The following MARCHF1 variants were observed in gnomAD, a reference collection of about 807,000 sequenced individuals.
MARCHF1 encodes the protein membrane associated ring-CH-type finger 1, also known as E3 ubiquitin-protein ligase MARCHF1.
MARCHF1 carries 40 observed loss-of-function variants against 54.2 expected under a neutral mutation model. That is an observed-to-expected ratio of 0.74 (90% CI 0.57 to 0.96). The LOEUF is 0.96. Ranked by LOEUF, MARCHF1 falls within the 40% of genes least tolerant of loss-of-function variation. MARCHF1 has a pLI of 0.00. For missense variants in MARCHF1, 586 were observed against 656.5 expected (o/e 0.89, Z 1.17); for synonymous variants, 236 against 236.3 (o/e 1.00, Z 0.01).
chr4:163,783,522 T>A (rs1370528247), intron 4 of MARCHF1, among the ~76,000 whole-genome samples: 1 of 152,178 alleles, frequency 6.6e-6, no homozygotes, highest in Non-Finnish European at 1.5e-5. Flanking sequence ...ACTGTCCTTA[T>A]CCTAGCCTGA....
At chr4:163,724,556 G>A (rs1195320248) in intron 4 of MARCHF1, among the ~76,000 whole-genome samples, 3 of 152,178 alleles carry the variant, frequency 2.0e-5, no homozygotes, top group African/African-American at 7.2e-5. Flanking sequence ...GGACATTTAA[G>A]TATGCAGAGG....
chr4:164,328,967 T>C (rs1383791182), intron 1 of MARCHF1, among the ~76,000 whole-genome samples: 1 of 152,236 alleles, frequency 6.6e-6, no homozygotes, highest in African/African-American at 2.4e-5. Context: ...AAGATTTTTT[T>C]CCTGGGAGAA....
rs1561047100 is a variant in MARCHF1 at position 163,733,225 on chromosome 4, G to GTA, written c.112-32363_112-32362insTA. On this transcript the variant is annotated intron_variant, in intron 4 of 9. Transcript: ENST00000514618. ...TATATATATATATATATATATACACGTGTATATATATATATACACGTGTAT... is the reference window on the plus strand; with the variant it reads ...TATATATATATATATATATATACACGTATGTATATATATATATACACGTGTAT... 5.4e-4 allele frequency among the ~76,000 whole-genome samples: 7 copies of GTA among 13,032 alleles called. 1 individual carries two copies. Among genetic ancestry groups the GTA allele is most frequent in the African/African-American group, 1.4e-3 (7 of 5,114 alleles). The allele number at this position is 13,032 out of a possible 152,430, so 8.5% of individuals were successfully genotyped here.
intron 3 of MARCHF1, 27 bp from the exon 4 acceptor site, chr4:163,854,196 C>A (rs1319109272): frequency 6.9e-7 from 1 of 1,458,206 alleles, no homozygotes; most frequent in Non-Finnish European, 9.1e-7. Context: ...TTCCCTGAAA[C>A]AGGTCACTTA....
In MARCHF1 at chr4:164,061,754, G is replaced by A. The variant is rs752749104; in HGVS notation, c.-248+49834C>T. Among the ~76,000 whole-genome samples the A allele has an allele frequency of 3.1e-4, 47 of 151,808 alleles. 1 individual carries two copies. The highest frequency in any genetic ancestry group is 6.6e-4 in the Non-Finnish European group (45 of 67,906). ...GTGCAATAGAATTTTATCTAAAAAT[G>A]TACATACTTTAAAAACACTTGATTG... On this transcript the variant is annotated intron_variant, in intron 2 of 9. Transcript: ENST00000514618.
chr4:164,178,068 C>T (rs1730737883), intron 1 of MARCHF1, among the ~76,000 whole-genome samples: 1 of 152,164 alleles, frequency 6.6e-6, no homozygotes, highest in South Asian at 2.1e-4. Flanking sequence ...TTATTTTACA[C>T]ATAAGACCTC....
chr4:163,640,751 CAGGATTA>C lies in MARCHF1; in HGVS notation c.163-27365_163-27359del, dbSNP rs1240919737. On this transcript the variant is annotated intron_variant, in intron 5 of 9. Coordinates refer to ENST00000514618, the MANE Select transcript of MARCHF1 (RefSeq NM_001394959.1). ...TGACTGCATAAATTGGATTCTTATA[CAGGATTA>C]TTGACACTTTAAGTCATAGCAAAAT... Among the ~76,000 whole-genome samples the C allele has an allele frequency of 4.7e-3, 711 of 152,182 alleles. 5 individuals are homozygous for C. The highest frequency in any genetic ancestry group is 0.016 in the African/African-American group (668 of 41,526).
At chr4:163,775,232 G>A (rs1240202746) in intron 4 of MARCHF1, among the ~76,000 whole-genome samples, 2 of 152,120 alleles carry the variant, frequency 1.3e-5, no homozygotes. Flanking sequence ...ATATTAGCAT[G>A]CTTTGCTTGC....
At position 164,378,933 on chromosome 4, in the gene MARCHF1, G is replaced by C. The variant is rs530283124; in HGVS notation, c.-323+4937C>G. On this transcript the variant is annotated intron_variant, in intron 1 of 9. Coordinates refer to ENST00000514618, the MANE Select transcript of MARCHF1 (RefSeq NM_001394959.1). ...TCACCATGTTGGCCAGGCTGGTCTC[G>C]AACTCCTGACCTCAGGTGATCCACC... 2.1e-3 allele frequency among the ~76,000 whole-genome samples: 313 copies of C among 152,000 alleles called. 1 individual carries two copies. The highest frequency in any genetic ancestry group is 0.01 in the Middle Eastern group (3 of 294).
chr4:163,808,993 C>T (rs543575501), intron 4 of MARCHF1, among the ~76,000 whole-genome samples: 1 of 152,260 alleles, frequency 6.6e-6, no homozygotes, highest in South Asian at 2.1e-4. Context: ...GCCAGCACCA[C>T]CTCTACCACC....
chr4:164,129,564 T>C (rs1756257802), intron 1 of MARCHF1, among the ~76,000 whole-genome samples: 1 of 152,174 alleles, frequency 6.6e-6, no homozygotes, highest in Non-Finnish European at 1.5e-5. Context: ...TTGAAGTATA[T>C]TGCTAAGCAT....
intron 1 of MARCHF1, among the ~76,000 whole-genome samples, chr4:164,194,533 T>C (rs1731201822): frequency 6.6e-6 from 1 of 152,168 alleles, no homozygotes; most frequent in Non-Finnish European, 1.5e-5. Flanking sequence ...CTGGTGTCTG[T>C]CAAAATCTTG....
chr4:164,166,984 T>C (rs1730398176), intron 1 of MARCHF1, among the ~76,000 whole-genome samples: 1 of 151,560 alleles, frequency 6.6e-6, no homozygotes, highest in African/African-American at 2.4e-5. Context: ...TATAAATCTT[T>C]AAATTTATAA....
intron 3 of MARCHF1, among the ~76,000 whole-genome samples, chr4:163,929,576 C>A (rs951160701): frequency 6.6e-6 from 1 of 151,726 alleles, no homozygotes; most frequent in African/African-American, 2.4e-5. Flanking sequence ...GCTTAAAAAT[C>A]GTGCCAACTG....
chr4:164,238,309 T>C (rs1485578563), intron 1 of MARCHF1, among the ~76,000 whole-genome samples: 1 of 151,704 alleles, frequency 6.6e-6, no homozygotes, highest in Non-Finnish European at 1.5e-5. Context: ...ACAAAGAGAG[T>C]CTACAGAGAA....
At chr4:164,240,186 T>C (rs957747249) in intron 1 of MARCHF1, among the ~76,000 whole-genome samples, 1 of 152,224 alleles carries the variant, frequency 6.6e-6, no homozygotes, top group Non-Finnish European at 1.5e-5. Flanking sequence ...TCCTTTACTC[T>C]TGTTTTGTCA....
intron 9 of MARCHF1, 89 bp from the exon 10 acceptor site, chr4:163,529,135 T>A (rs1449869643): frequency 2.2e-6 from 2 of 916,668 alleles, no homozygotes; most frequent in Non-Finnish European, 3.3e-6. Flanking sequence ...CAAAAGCCCG[T>A]GCTTGCCTTC....
At chr4:164,007,761 A>G (rs62348134) in intron 2 of MARCHF1, among the ~76,000 whole-genome samples, 17,893 of 151,870 alleles carry the variant, frequency 0.12, 1,452 homozygotes, top group Non-Finnish European at 0.18. Flanking sequence ...ATAACTTGCT[A>G]TATCTATAGA....
chr4:163,878,926 A>T (rs1397583934), intron 3 of MARCHF1, among the ~76,000 whole-genome samples: 1 of 152,204 alleles, frequency 6.6e-6, no homozygotes, highest in Non-Finnish European at 1.5e-5. Flanking sequence ...GACTGTGAGT[A>T]GTTTCATTTG....
Sources: allele counts gnomAD v4.1 joint callset (sites outside exome capture counted in the v4.1 genomes callset), GRCh38; gene constraint gnomAD v4.1.1; transcripts MANE v1.5; gene names NCBI Gene and HGNC (gene_info 2026-07-23, HGNC 2026-07-21).